The following ROBO2 variants were observed in gnomAD, a reference collection of about 807,000 sequenced individuals.
ROBO2 encodes roundabout homolog 2.
In ROBO2, 53 loss-of-function variants were observed where a neutral mutation model predicts 160.8. That is an observed-to-expected ratio of 0.33 (90% CI 0.26 to 0.41). ROBO2 has a LOEUF of 0.41. Among genes scored for constraint, ROBO2 ranks in the 10% least tolerant of loss-of-function variants. The pLI is 1.00. For missense variants in ROBO2, 1,577 were observed against 1,722.4 expected (o/e 0.92, Z 1.49); for synonymous variants, 664 against 611.7 (o/e 1.09, Z -1.26).
chr3:76,879,880 T>C (rs997915165), intron 2 of ROBO2, among the ~76,000 whole-genome samples: 2 of 151,856 alleles, frequency 1.3e-5, no homozygotes, highest in Non-Finnish European at 2.9e-5. Flanking sequence ...ATATTGGGAG[T>C]GTAATATGAT....
intron 2 of ROBO2, among the ~76,000 whole-genome samples, chr3:76,967,115 A>C (rs1254070545): frequency 6.6e-6 from 1 of 152,214 alleles, no homozygotes; most frequent in Admixed American, 6.5e-5. Flanking sequence ...TTACAGACGC[A>C]GATACACATG....
chr3:76,198,039 C>T (rs570429521), intron 2 of ROBO2, among the ~76,000 whole-genome samples: 2 of 152,276 alleles, frequency 1.3e-5, no homozygotes, highest in East Asian at 3.9e-4. Context: ...TGTAAGCACC[C>T]CAACCGACTA....
chr3:76,036,022 A>C (rs2067093366), intron 2 of ROBO2, among the ~76,000 whole-genome samples: 1 of 152,028 alleles, frequency 6.6e-6, no homozygotes, highest in African/African-American at 2.4e-5. Context: ...TTCTAAAGCT[A>C]GAGTCAGGAT....
At chr3:76,627,214 A>G (rs1578671857) in intron 2 of ROBO2, among the ~76,000 whole-genome samples, 1 of 152,196 alleles carries the variant, frequency 6.6e-6, no homozygotes, top group Admixed American at 6.5e-5. Context: ...TTTTGAATTA[A>G]TGGACTCTCT....
At chr3:77,498,288 G>C (rs1439768469) in intron 5 of ROBO2, among the ~76,000 whole-genome samples, 1 of 152,054 alleles carries the variant, frequency 6.6e-6, no homozygotes, top group African/African-American at 2.4e-5. Context: ...ATAATAGCTT[G>C]TCAGAAGAAA....
At chr3:76,815,429 A>G (rs2065578479) in intron 2 of ROBO2, among the ~76,000 whole-genome samples, 1 of 151,208 alleles carries the variant, frequency 6.6e-6, no homozygotes, top group African/African-American at 2.4e-5. Flanking sequence ...AGCAAGAAAC[A>G]CTGTCCAGAA....
intron 2 of ROBO2, among the ~76,000 whole-genome samples, chr3:77,379,458 A>G (rs971066688): frequency 6.6e-6 from 1 of 152,196 alleles, no homozygotes; most frequent in Non-Finnish European, 1.5e-5. Flanking sequence ...ATTAAAAAAA[A>G]AAATTAAAAG....
intron 2 of ROBO2, among the ~76,000 whole-genome samples, chr3:76,543,854 C>A (rs774069067): frequency 6.6e-6 from 1 of 151,982 alleles, no homozygotes; most frequent in Non-Finnish European, 1.5e-5. Flanking sequence ...TCATAACTCA[C>A]CTTGGCTATC....
chr3:75,996,979 C>A (rs1265881596), intron 2 of ROBO2, among the ~76,000 whole-genome samples: 1 of 152,210 alleles, frequency 6.6e-6, no homozygotes, highest in Admixed American at 6.5e-5. Flanking sequence ...ATGATCAGCA[C>A]TCTTCCTTCA....
chr3:77,516,289 T>C (rs1361810173), intron 5 of ROBO2, among the ~76,000 whole-genome samples: 8 of 151,694 alleles, frequency 5.3e-5, no homozygotes, highest in Non-Finnish European at 7.4e-5. Context: ...GTACATTTTC[T>C]AATTTTTAAA....
chr3:77,349,279 A>C (rs76182361), intron 2 of ROBO2, among the ~76,000 whole-genome samples: 2 of 152,174 alleles, frequency 1.3e-5, no homozygotes, highest in Non-Finnish European at 2.9e-5. Context: ...TTCCAAATGA[A>C]GGCAATTATA....
At chr3:76,034,860 A>G (rs1448737682) in intron 2 of ROBO2, among the ~76,000 whole-genome samples, 1 of 152,026 alleles carries the variant, frequency 6.6e-6, no homozygotes, top group Non-Finnish European at 1.5e-5. Flanking sequence ...ACTGCCTGTA[A>G]TTTTCTCAGA....
intron 2 of ROBO2, among the ~76,000 whole-genome samples, chr3:76,967,156 T>TA (rs975652567): frequency 2.0e-5 from 3 of 151,990 alleles, no homozygotes; most frequent in African/African-American, 7.2e-5. Flanking sequence ...CATCCGGAAT[T>TA]ACACATGTAC....
chr3:76,629,461 C>A (rs1462425462), intron 2 of ROBO2, among the ~76,000 whole-genome samples: 1 of 152,132 alleles, frequency 6.6e-6, no homozygotes, highest in African/African-American at 2.4e-5. Context: ...AGCTGAAGAA[C>A]TTGGAGTCCA....
At chr3:75,925,946 T>G (rs1947275907) in intron 1 of ROBO2, among the ~76,000 whole-genome samples, 1 of 152,200 alleles carries the variant, frequency 6.6e-6, no homozygotes, top group Non-Finnish European at 1.5e-5. Context: ...AACACTAAAT[T>G]TGTCATATTT....
chr3:77,559,871 A>G (rs1250405996), intron 9 of ROBO2, among the ~76,000 whole-genome samples: 1 of 152,058 alleles, frequency 6.6e-6, no homozygotes, highest in African/African-American at 2.4e-5. Context: ...AATGCTGCCA[A>G]GTTGAGTTTA....
At chr3:77,411,906 T>G (rs2076835874) in intron 2 of ROBO2, among the ~76,000 whole-genome samples, 1 of 152,214 alleles carries the variant, frequency 6.6e-6, no homozygotes, top group African/African-American at 2.4e-5. Context: ...CTTCCCAACC[T>G]GACATCCCAT....
At chr3:76,114,204 A>G (rs1240975048) in intron 2 of ROBO2, among the ~76,000 whole-genome samples, 1 of 152,172 alleles carries the variant, frequency 6.6e-6, no homozygotes, top group African/African-American at 2.4e-5. Flanking sequence ...TGAGTTTCCA[A>G]CACATGAACT....
intron 2 of ROBO2, among the ~76,000 whole-genome samples, chr3:76,672,569 G>A (rs910985088): frequency 6.6e-6 from 1 of 152,142 alleles, no homozygotes; most frequent in Non-Finnish European, 1.5e-5. Flanking sequence ...AATCAAGAGT[G>A]TTTGTACATT....
Sources: allele counts gnomAD v4.1 joint callset (sites outside exome capture counted in the v4.1 genomes callset), GRCh38; gene constraint gnomAD v4.1.1; transcripts MANE v1.5; gene names NCBI Gene and HGNC (gene_info 2026-07-23, HGNC 2026-07-21).